Variants in BACH2 observed in about 807,000 individuals in gnomAD.
BACH2 encodes transcription regulator protein BACH2.
BACH2 carries 5 observed loss-of-function variants against 61.8 expected under a neutral mutation model. The ratio of observed to expected loss-of-function variants is 0.08; its 90% confidence interval spans 0.04 to 0.17. The LOEUF is 0.17. BACH2 is among the 10% of genes least tolerant of loss of function. The pLI, the probability that BACH2 is intolerant of heterozygous loss-of-function variation, is 1.00. For missense variants in BACH2, 824 were observed against 1,091.1 expected (o/e 0.76, Z 3.45); for synonymous variants, 446 against 440.1 (o/e 1.01, Z -0.17).
rs113543718 is a variant in BACH2 at position 89,969,179 on chromosome 6, G to A, written c.244-17317C>T. On this transcript the variant is annotated intron_variant, in intron 6 of 8. Coordinates refer to ENST00000257749, the MANE Select transcript of BACH2 (RefSeq NM_021813.4). ...AGCGATTCTCCTGCCTCAGCCTCCC[G>A]AGTAGCTGGGATTACAGGAATGTGT... is the stretch of plus-strand genomic sequence containing the variant. Among the ~76,000 whole-genome samples, 1,418 of 148,964 alleles carry A rather than the reference G, an allele frequency of 9.5e-3. 29 individuals carry two copies. The highest frequency in any genetic ancestry group is 0.033 in the African/African-American group (1,354 of 40,648).
chr6:90,143,560 C>T (rs1173672663), intron 4 of BACH2, among the ~76,000 whole-genome samples: 1 of 152,150 alleles, frequency 6.6e-6, no homozygotes, highest in Non-Finnish European at 1.5e-5. Context: ...CCCCAGTTTG[C>T]CTTTCTGAAA....
chr6:90,244,784 G>A (rs1229166071), intron 3 of BACH2, among the ~76,000 whole-genome samples: 1 of 152,186 alleles, frequency 6.6e-6, no homozygotes, highest in Non-Finnish European at 1.5e-5. Context: ...TGCCCCCTCT[G>A]AGCCATCATC....
intron 4 of BACH2, among the ~76,000 whole-genome samples, chr6:90,174,307 A>G (rs1177854127): frequency 1.3e-5 from 2 of 152,058 alleles, no homozygotes; most frequent in Non-Finnish European, 2.9e-5. Flanking sequence ...AAGAAAATAT[A>G]TGATTATCTC....
chr6:90,280,834 A>G (rs1771838282), intron 1 of BACH2, among the ~76,000 whole-genome samples: 1 of 152,172 alleles, frequency 6.6e-6, no homozygotes, highest in Admixed American at 6.5e-5. Context: ...GGTAGACATT[A>G]CAGGGAGGGA....
intron 4 of BACH2, among the ~76,000 whole-genome samples, chr6:90,092,291 A>AATATATATATATAT (rs1167228249): frequency 8.8e-6 from 1 of 113,842 alleles, no homozygotes; most frequent in African/African-American, 3.6e-5. Flanking sequence ...AAAAAAAAAA[A>AATATATATATATAT]ATATATATAT....
intron 6 of BACH2, among the ~76,000 whole-genome samples, chr6:89,966,595 C>T (rs539465827): frequency 2.0e-5 from 3 of 152,230 alleles, no homozygotes; most frequent in Non-Finnish European, 4.4e-5. Flanking sequence ...CCCACTTCCC[C>T]TCCCTGCTTC....
chr6:89,947,579 T>G (rs938664518), intron 7 of BACH2, among the ~76,000 whole-genome samples: 3 of 152,072 alleles, frequency 2.0e-5, no homozygotes, highest in African/African-American at 7.2e-5. Context: ...TCTTTTTTTT[T>G]TTTTGAGACA....
At chr6:90,097,985 C>T (rs143538120) in intron 4 of BACH2, among the ~76,000 whole-genome samples, 83 of 152,288 alleles carry the variant, frequency 5.5e-4, no homozygotes, top group East Asian at 2.1e-3. Context: ...TGTGAAAAGG[C>T]GGCTTTTATT....
intron 4 of BACH2, among the ~76,000 whole-genome samples, chr6:90,179,847 C>T (rs1037423678): frequency 6.6e-6 from 1 of 152,096 alleles, no homozygotes. Flanking sequence ...AGCACTGTAT[C>T]TAAGAACAAA....
intron 5 of BACH2, among the ~76,000 whole-genome samples, chr6:90,065,810 A>C (rs1780934883): frequency 6.6e-6 from 1 of 152,256 alleles, no homozygotes; most frequent in Admixed American, 6.5e-5. Flanking sequence ...CAAGGCACTT[A>C]AAATCCACCT....
chr6:90,063,937 G>A (rs1465731278), intron 5 of BACH2, among the ~76,000 whole-genome samples: 1 of 151,872 alleles, frequency 6.6e-6, no homozygotes, highest in East Asian at 1.9e-4. Context: ...TTCTTTCTTG[G>A]TGGTACATAA....
At chr6:89,965,561 C>T (rs570377181) in intron 6 of BACH2, among the ~76,000 whole-genome samples, 13 of 152,218 alleles carry the variant, frequency 8.5e-5, no homozygotes, top group Non-Finnish European at 1.9e-4. Flanking sequence ...CTTGTACACC[C>T]TAGAGTCTCA....
At chr6:90,166,015 T>C (rs1025105485) in intron 4 of BACH2, among the ~76,000 whole-genome samples, 1 of 151,980 alleles carries the variant, frequency 6.6e-6, no homozygotes, top group Non-Finnish European at 1.5e-5. Flanking sequence ...ACTTCATGTC[T>C]AAAACACCAA....
intron 3 of BACH2, among the ~76,000 whole-genome samples, chr6:90,213,708 T>A (rs1769431958): frequency 6.6e-6 from 1 of 152,188 alleles, no homozygotes; most frequent in Admixed American, 6.5e-5. Flanking sequence ...CAAGAAGAGA[T>A]CTTGTCTATT....
intron 5 of BACH2, among the ~76,000 whole-genome samples, chr6:90,077,405 G>A (rs551276708): frequency 2.8e-4 from 42 of 152,222 alleles, no homozygotes; most frequent in African/African-American, 9.6e-4. Context: ...CTTCCATTTC[G>A]TTAACAGAGA....
intron 1 of BACH2, among the ~76,000 whole-genome samples, chr6:90,272,761 T>C (rs1466751448): frequency 1.3e-5 from 2 of 152,188 alleles, no homozygotes; most frequent in Non-Finnish European, 2.9e-5. Context: ...CCACTTACAC[T>C]GACCAGATCC....
rs1199649935 is a variant in BACH2 at position 90,008,641 on chromosome 6, T to C, written c.204A>G (p.Gly68=). Residue 68 remains glycine (G), a synonymous_variant, in exon 6 of 9, where the codon GGA becomes GGG. Coordinates refer to ENST00000257749, the MANE Select transcript of BACH2 (RefSeq NM_021813.4). This position sits in a 1 kb window ranked among gnomAD's most constrained non-coding sequence, Gnocchi z 4.1. ...TGACCACCAAATCATTTTTTGTCTGTCCAACCAGCGCCTGCCAAAAATATT... is the reference window on the plus strand; with the variant it reads ...TGACCACCAAATCATTTTTTGTCTGCCCAACCAGCGCCTGCCAAAAATATT... The part of the protein sequence containing the change: ...CSEYFWQALV[G]QTKNDLVVSL... The C allele has an allele frequency of 6.2e-7, 1 of 1,614,074 alleles. No individual in the cohort carries two copies. The highest frequency in any genetic ancestry group is 1.3e-5 in the African/African-American group (1 of 74,926).
intron 5 of BACH2, among the ~76,000 whole-genome samples, chr6:90,076,808 T>C (rs1012166171): frequency 3.3e-5 from 5 of 152,162 alleles, no homozygotes; most frequent in African/African-American, 1.2e-4. Context: ...TTCTCTGGTG[T>C]GCACGTACAC....
intron 4 of BACH2, among the ~76,000 whole-genome samples, chr6:90,190,958 T>C (rs371651409): frequency 6.6e-6 from 1 of 152,168 alleles, no homozygotes; most frequent in Non-Finnish European, 1.5e-5. Flanking sequence ...ATGATGCAGA[T>C]AGCAACTCTG....
Sources: allele counts gnomAD v4.1 joint callset (sites outside exome capture counted in the v4.1 genomes callset), GRCh38; gene constraint gnomAD v4.1.1; non-coding constraint Gnocchi (gnomAD v3.1); transcripts MANE v1.5; gene names NCBI Gene and HGNC (gene_info 2026-07-23, HGNC 2026-07-21).